RGSL1: variants seen among roughly 807,000 people sequenced by gnomAD.
RGSL1 encodes regulator of G protein signaling like 1.
In RGSL1, 97 loss-of-function variants were observed where a neutral mutation model predicts 124.7. The ratio of observed to expected loss-of-function variants is 0.78; its 90% confidence interval spans 0.66 to 0.92. RGSL1 has a LOEUF of 0.92. Ranked by LOEUF, RGSL1 falls within the 40% of genes least tolerant of loss-of-function variation. The probability of loss-of-function intolerance (pLI) is 0.00; values close to 1 mark genes in which losing one functional copy is unlikely to be tolerated. For synonymous variants in RGSL1, 424 were observed against 438.1 expected (o/e 0.97, Z 0.40); for missense variants, 1,233 against 1,288.4 (o/e 0.96, Z 0.66).
Position 182,458,396 on chromosome 1 carries a change from G to T in RGSL1, c.171+3G>T. On this transcript the variant is annotated splice_donor_region_variant and intron_variant, in intron 3 of 21. Coordinates refer to ENST00000294854, the MANE Select transcript of RGSL1 (RefSeq NM_001137669.2). Reference sequence around the variant, plus strand: ...GGCCAGAAATACCTTGTAACTTGGTGAGTAAAATTCTTCAGAGGTAGAGAG... The same window carrying T: ...GGCCAGAAATACCTTGTAACTTGGTTAGTAAAATTCTTCAGAGGTAGAGAG... The T allele has an allele frequency of 6.5e-7, 1 of 1,550,290 alleles. No individual in the cohort carries two copies. The highest frequency in any genetic ancestry group is 1.2e-5 in the South Asian group (1 of 84,020).
Position 182,457,177 on chromosome 1 carries a change from T to C in RGSL1, c.97-1142T>C, listed in dbSNP as rs151096793. On this transcript the variant is annotated intron_variant, in intron 2 of 21. Coordinates refer to ENST00000294854, the MANE Select transcript of RGSL1 (RefSeq NM_001137669.2). ...CAAACAAACAAACAAAAAAGTTAAA[T>C]GATATGCCTAAGATCACACAGTGAA... Among the ~76,000 whole-genome samples, 278 of 152,144 alleles carry C rather than the reference T, an allele frequency of 1.8e-3. 1 individual carries two copies. Among genetic ancestry groups the C allele is most frequent in the African/African-American group, 5.5e-3 (230 of 41,516 alleles).
In RGSL1 at chr1:182,530,189, A is replaced by G. The variant is rs910816235; in HGVS notation, c.2126-55A>G. 8.2e-6 allele frequency: 11 copies of G among 1,341,442 alleles called. No homozygotes were observed. The African/African-American group carries it at 1.3e-4, about 16-fold the overall frequency. 83.1% of individuals were successfully genotyped at this position (1,341,442 alleles called of 1,614,324 possible). On this transcript the variant is annotated intron_variant, in intron 11 of 21. Transcript: ENST00000294854. Reference sequence around the variant, plus strand: ...AAAAAAAAACAAAAAACCACCAGCTATCTCAGAAATGGTAGATGAGGATTA... The same window carrying G: ...AAAAAAAAACAAAAAACCACCAGCTGTCTCAGAAATGGTAGATGAGGATTA...
At chr1:182,467,185 T>C (rs1653408555) in intron 4 of RGSL1, among the ~76,000 whole-genome samples, 2 of 152,038 alleles carry the variant, frequency 1.3e-5, no homozygotes, top group African/African-American at 4.8e-5. Context: ...AAAATGGCCA[T>C]ACTGCCCAAG....
chr1:182,462,564 A>G (rs904085272), intron 4 of RGSL1, among the ~76,000 whole-genome samples: 22 of 152,232 alleles, frequency 1.4e-4, no homozygotes, highest in African/African-American at 5.3e-4. Context: ...CTACTCGTCT[A>G]AAAGATAGTA....
intron 9 of RGSL1, among the ~76,000 whole-genome samples, chr1:182,511,087 A>C (rs1171204895): frequency 6.6e-6 from 1 of 152,048 alleles, no homozygotes; most frequent in African/African-American, 2.4e-5. Flanking sequence ...TTTTGTCTTT[A>C]ATACATTTTT....
intron 9 of RGSL1, among the ~76,000 whole-genome samples, chr1:182,513,355 C>T (rs943425300): frequency 1.3e-5 from 2 of 152,070 alleles, no homozygotes; most frequent in Non-Finnish European, 2.9e-5. Context: ...AGTTTGATGT[C>T]CTAGGTGAGA....
chr1:182,524,714 T>C (rs1026967267), intron 10 of RGSL1, among the ~76,000 whole-genome samples: 6 of 152,178 alleles, frequency 3.9e-5, no homozygotes, highest in African/African-American at 1.2e-4. Context: ...CTGATATGGT[T>C]TGAAGCTCCA....
chr1:182,501,307 CTTTTTTTTTTTTT>C (rs141279993), intron 9 of RGSL1, among the ~76,000 whole-genome samples: 62 of 61,362 alleles, frequency 1.0e-3, no homozygotes, highest in African/African-American at 1.3e-3. Flanking sequence ...TTTTTCTTTT[CTTTTTTTTTTTTT>C]TTTTTTTTTT....
chr1:182,477,811 C>T (rs1654412083), intron 6 of RGSL1, among the ~76,000 whole-genome samples: 1 of 152,158 alleles, frequency 6.6e-6, no homozygotes, highest in South Asian at 2.1e-4. Context: ...CTCTGACTGG[C>T]TAATTGCAAA....
At chr1:182,471,427 T>A (rs1275131669) in intron 4 of RGSL1, 1 of 454,792 alleles carries the variant, frequency 2.2e-6, no homozygotes, top group African/African-American at 2.0e-5. Context: ...TGCAAGTTCC[T>A]AATGGTTTTC....
chr1:182,539,280 T>C (rs1255679882), intron 14 of RGSL1, among the ~76,000 whole-genome samples: 1 of 151,074 alleles, frequency 6.6e-6, no homozygotes, highest in Non-Finnish European at 1.5e-5. Flanking sequence ...TAGACTTTTT[T>C]TCCCTTCAAA....
At chr1:182,546,960 T>G (rs1660249542) in intron 15 of RGSL1, among the ~76,000 whole-genome samples, 1 of 152,208 alleles carries the variant, frequency 6.6e-6, no homozygotes, top group South Asian at 2.1e-4. Context: ...AGTCAGCATG[T>G]CATGGGCATC....
At chr1:182,536,864 G>A (rs548941382) in intron 14 of RGSL1, among the ~76,000 whole-genome samples, 130 of 152,198 alleles carry the variant, frequency 8.5e-4, no homozygotes, top group African/African-American at 3.0e-3. Flanking sequence ...CTCCCACCAG[G>A]TTCCTCCCAC....
chr1:182,560,040 T>G (rs1661084761), intron 21 of RGSL1, among the ~76,000 whole-genome samples: 2 of 152,200 alleles, frequency 1.3e-5, no homozygotes, highest in Admixed American at 1.3e-4. Context: ...TAAATACATA[T>G]TGAATGCATG....
At chr1:182,517,102 T>A (rs1657952663) in intron 9 of RGSL1, among the ~76,000 whole-genome samples, 4 of 152,148 alleles carry the variant, frequency 2.6e-5, no homozygotes, top group Admixed American at 6.5e-5. Context: ...AGACTTTACG[T>A]CTCCTTTATA....
At chr1:182,511,927 G>A (rs973852511) in intron 9 of RGSL1, among the ~76,000 whole-genome samples, 3 of 151,978 alleles carry the variant, frequency 2.0e-5, no homozygotes, top group Non-Finnish European at 4.4e-5. Flanking sequence ...TCAGCGTTTT[G>A]TAATTTTTCT....
Position 182,489,088 on chromosome 1 carries a change from G to A in RGSL1, c.1603G>A (p.Ala535Thr). Residue 535 changes from alanine (A) to threonine (T), a missense_variant, in exon 8 of 22, where the codon GCT (alanine) becomes ACT (threonine). By Grantham distance (58) the Ala-to-Thr change is moderately conservative. Transcript: ENST00000294854. ...RIQQSLELSQ[A>T]LADMKEMDYR... ...TCAGCAGTCTCTAGAGTTAAGCCAG[G>A]CTTTGGCTGACATGAAGGAAATGGA... The A allele has an allele frequency of 1.9e-6, 3 of 1,551,608 alleles. No individual in the cohort carries two copies. Among genetic ancestry groups the A allele is most frequent in the Non-Finnish European group, 1.7e-6 (2 of 1,146,984 alleles).
chr1:182,533,113 T>A (rs1659297532), intron 14 of RGSL1, among the ~76,000 whole-genome samples: 1 of 152,160 alleles, frequency 6.6e-6, no homozygotes, highest in Non-Finnish European at 1.5e-5. Context: ...TATAAATTAA[T>A]ACATGCTGTT....
At chr1:182,554,252 A>T (rs770965975) in intron 19 of RGSL1, among the ~76,000 whole-genome samples, 2 of 152,122 alleles carry the variant, frequency 1.3e-5, no homozygotes, top group Non-Finnish European at 2.9e-5. Context: ...GTGTTTCCTC[A>T]TTGCTTCATG....
Sources: gnomAD v4.1 joint callset for allele counts (sites outside exome capture counted in the v4.1 genomes callset) on GRCh38, gnomAD v4.1.1 for gene constraint, MANE v1.5 for transcripts, NCBI Gene and HGNC (gene_info 2026-07-23, HGNC 2026-07-21) for gene names.